PCDHA2: variants seen among roughly 807,000 people sequenced by gnomAD.
PCDHA2 encodes protocadherin alpha 2.
A neutral mutation model predicts 66.0 loss-of-function variants in PCDHA2; 58 were observed. The observed-to-expected ratio is 0.88, with a 90% CI of 0.71 to 1.09. The LOEUF is 1.09. PCDHA2 is among the 50% of genes least tolerant of loss of function. PCDHA2 has a pLI of 0.00. For missense variants in PCDHA2, 1,267 were observed against 1,242.3 expected, an observed-to-expected ratio of 1.02 and a Z score of -0.30; for synonymous variants, 634 against 554.0, an observed-to-expected ratio of 1.14 and a Z score of -2.03.
chr5:141,000,395 C>CTCTATAAA (rs1213762225), intron 3 of PCDHA2, among the ~76,000 whole-genome samples: 2 of 53,986 alleles, frequency 3.7e-5, no homozygotes, highest in African/African-American at 1.5e-4. Context: ...CTCTCTCTCT[C>CTCTATAAA]TATATATATA....
intron 1 of PCDHA2, among the ~76,000 whole-genome samples, chr5:140,943,172 C>T (rs1370908273): frequency 2.7e-5 from 4 of 148,068 alleles, no homozygotes; most frequent in African/African-American, 1.0e-4. Context: ...GCAGGAAAAT[C>T]GCTTGAACCC....
intron 3 of PCDHA2, among the ~76,000 whole-genome samples, chr5:141,004,120 T>C (rs1340380913): frequency 6.6e-6 from 1 of 152,178 alleles, no homozygotes; most frequent in African/African-American, 2.4e-5. Flanking sequence ...AAAGGGAGTA[T>C]CTCCATGATT....
chr5:140,937,260 A>G (rs1427466170), intron 1 of PCDHA2, among the ~76,000 whole-genome samples: 1 of 151,830 alleles, frequency 6.6e-6, no homozygotes, highest in Non-Finnish European at 1.5e-5. Flanking sequence ...GATGGTCTCG[A>G]TCTCCTGACC....
At chr5:140,859,459 C>G (rs1379028308) in intron 1 of PCDHA2, 1 of 216,756 alleles carries the variant, frequency 4.6e-6, no homozygotes, top group Non-Finnish European at 8.9e-6. Context: ...AGTGACAAAA[C>G]TACACTATCA....
intron 1 of PCDHA2, chr5:140,968,479 C>T (rs2096250195): frequency 1.2e-6 from 2 of 1,614,010 alleles, no homozygotes; most frequent in South Asian, 2.2e-5. Flanking sequence ...ATGTGGTGGA[C>T]ATGAATGACC....
intron 1 of PCDHA2, chr5:140,857,571 C>A (rs782707848): frequency 7.5e-6 from 12 of 1,596,630 alleles, no homozygotes; most frequent in Non-Finnish European, 9.4e-6. Flanking sequence ...AGCTACGTGT[C>A]GGTGCACGCG....
chr5:140,917,937 T>C (rs2078442259), intron 1 of PCDHA2, among the ~76,000 whole-genome samples: 1 of 152,186 alleles, frequency 6.6e-6, no homozygotes, highest in Non-Finnish European at 1.5e-5. Flanking sequence ...AAAAATAATA[T>C]TGGTAGTTTG....
intron 1 of PCDHA2, among the ~76,000 whole-genome samples, chr5:140,888,469 T>C (rs892080299): frequency 2.0e-5 from 3 of 152,230 alleles, no homozygotes; most frequent in South Asian, 4.1e-4. Flanking sequence ...AAAATGTCAG[T>C]AGTTCCACTG....
intron 1 of PCDHA2, among the ~76,000 whole-genome samples, chr5:140,818,240 C>G (rs1292675833): frequency 1.3e-5 from 2 of 152,008 alleles, no homozygotes; most frequent in Non-Finnish European, 2.9e-5. Context: ...CTTTTATGTG[C>G]CATTTCTGTT....
At position 140,795,309 on chromosome 5, in the gene PCDHA2, G is replaced by A; in HGVS notation, c.345G>A (p.Gln115=). ...AGGTGATCGTGGACAGGCCGCTGCA[G>A]GTTTTCCATGTGGAAGTGGAGGTGA... The part of the protein sequence containing the change: ...HVEVIVDRPL[Q]VFHVEVEVKD... Residue 115 remains glutamine, a synonymous_variant, in exon 1 of 4, where the codon CAG becomes CAA. Transcript: ENST00000526136. 6.2e-7 allele frequency: 1 copy of A among 1,614,242 alleles called. No homozygotes were observed. Among genetic ancestry groups the A allele is most frequent in the Non-Finnish European group, 8.5e-7 (1 of 1,180,036 alleles).
At position 140,875,233 on chromosome 5, in the gene PCDHA2, G is replaced by A. The variant is rs1379502066; in HGVS notation, c.2388+77881G>A. Reference sequence around the variant, plus strand: ...CGAAAAGAACCTCAGGATCTTTCTTGTACTTACATAATCAGTCACATGATG... The same window carrying A: ...CGAAAAGAACCTCAGGATCTTTCTTATACTTACATAATCAGTCACATGATG... On this transcript the variant is annotated intron_variant, in intron 1 of 3. Coordinates refer to ENST00000526136, the MANE Select transcript of PCDHA2 (RefSeq NM_018905.3). The A allele has an allele frequency of 3.5e-6, 3 of 863,762 alleles. No individual in the cohort carries two copies. The African/African-American group carries it at 5.1e-5, about 15-fold the overall frequency. The allele number at this position is 863,762 out of a possible 1,614,324, so 53.5% of individuals were successfully genotyped here. A position where few individuals can be genotyped will look rare whatever the true frequency, so the allele number is the denominator to read the frequency against.
intron 1 of PCDHA2, chr5:140,808,419 G>A (rs782218183): frequency 1.2e-6 from 2 of 1,614,168 alleles, no homozygotes; most frequent in Non-Finnish European, 1.7e-6. Flanking sequence ...GTGCTGGACA[G>A]TGCCCTGGAC....
chr5:140,969,028 A>G (rs1554231371), intron 1 of PCDHA2: 1 of 1,614,208 alleles, frequency 6.2e-7, no homozygotes, highest in Non-Finnish European at 8.5e-7. Context: ...GGTCCCCTGC[A>G]GAACTGTACA....
intron 1 of PCDHA2, chr5:140,856,990 T>C: frequency 6.3e-7 from 1 of 1,595,350 alleles, no homozygotes; most frequent in Non-Finnish European, 8.6e-7. Flanking sequence ...ACAGTAACAC[T>C]TATGAAATTC....
intron 1 of PCDHA2, chr5:140,802,029 G>T (rs1554121830): frequency 6.2e-7 from 1 of 1,614,164 alleles, no homozygotes; most frequent in Admixed American, 1.7e-5. Context: ...TAAGGATATC[G>T]CGTATTCTTT....
intron 1 of PCDHA2, among the ~76,000 whole-genome samples, chr5:140,938,121 A>C (rs981387543): frequency 6.6e-6 from 1 of 151,892 alleles, no homozygotes; most frequent in South Asian, 2.1e-4. Flanking sequence ...CTCTTTTTTT[A>C]AAAAAATAGA....
intron 1 of PCDHA2, chr5:140,821,615 A>C: frequency 2.4e-6 from 2 of 836,314 alleles, no homozygotes; most frequent in Middle Eastern, 3.3e-4. Context: ...CAGTGAGTAG[A>C]TTTTCCTTAG....
At chr5:140,824,610 G>GTGTTTTTTTTT (rs1768191919) in intron 1 of PCDHA2, 1 of 95,104 alleles carries the variant, frequency 1.1e-5, no homozygotes, top group African/African-American at 4.9e-5. Context: ...GCTAATTAAA[G>GTGTTTTTTTTT]TTTTTTTTTT....
chr5:140,831,196 T>TG (rs2150105872), intron 1 of PCDHA2: 1 of 152,356 alleles, frequency 6.6e-6, no homozygotes, highest in South Asian at 2.1e-4. Flanking sequence ...TTAGACCTTG[T>TG]GATCAAGTAA....
Sources: allele counts gnomAD v4.1 joint callset (sites outside exome capture counted in the v4.1 genomes callset), GRCh38; gene constraint gnomAD v4.1.1; transcripts MANE v1.5; gene names NCBI Gene and HGNC (gene_info 2026-07-23, HGNC 2026-07-21).